Variants in ATG4B observed in about 807,000 individuals in gnomAD.
ATG4B encodes the protein cysteine protease ATG4B.
In ATG4B, 29 loss-of-function variants were observed where a neutral mutation model predicts 56.6. The ratio of observed to expected loss-of-function variants is 0.51; its 90% CI spans 0.38 to 0.70. The LOEUF (loss-of-function observed/expected upper bound fraction) is 0.70, where lower values mean the gene tolerates loss of function less well. Ranked by LOEUF, ATG4B falls within the 30% of genes least tolerant of loss-of-function variation. The probability of loss-of-function intolerance (pLI) is 0.00; values close to 1 mark genes in which losing one functional copy is unlikely to be tolerated. For synonymous variants in ATG4B, 224 were observed against 206.1 expected (o/e 1.09, Z -0.74); for missense variants, 461 against 515.5 (o/e 0.89, Z 1.02).
chr2:241,672,148 G>T, intron 12 of ATG4B, 43 bp from the exon 13 acceptor site: 1 of 1,552,880 alleles, frequency 6.4e-7, no homozygotes, highest in Non-Finnish European at 8.7e-7. Context: ...CACCCAGGTG[G>T]CCCACCCAAG....
rs138045441 is a variant in ATG4B, at chr2:241,663,175, G to A, written c.539-3470G>A. On this transcript the variant is annotated intron_variant, in intron 7 of 12. Coordinates refer to ENST00000404914, the MANE Select transcript of ATG4B (RefSeq NM_013325.5). Reference sequence around the variant, plus strand: ...TTGAACCTGGGAGGCAGAGGCTACAGTGAGCTGAGATCATGCCACTGCACT... The same window carrying A: ...TTGAACCTGGGAGGCAGAGGCTACAATGAGCTGAGATCATGCCACTGCACT... Among the ~76,000 whole-genome samples, 1,228 of 152,356 alleles carry A rather than the reference G, an allele frequency of 8.1e-3. 10 individuals carry two copies. The highest frequency in any genetic ancestry group is 0.014 in the Middle Eastern group (4 of 294).
In ATG4B at chr2:241,651,822, T is replaced by TA; in HGVS notation, c.184+487_184+488insA. 8.8e-7 allele frequency: 1 copy of TA among 1,137,210 alleles called. No individual in the cohort carries two copies. Among genetic ancestry groups the TA allele is most frequent in the Non-Finnish European group, 1.2e-6 (1 of 837,748 alleles). The allele number at this position is 1,137,210 out of a possible 1,614,324, so 70.4% of individuals were successfully genotyped here. On this transcript the variant is annotated intron_variant, in intron 3 of 12. Transcript: ENST00000404914. The surrounding 1 kb of genome is among the most constrained non-coding windows in gnomAD (Gnocchi z 4.1). Reference sequence around the variant, plus strand: ...TTTCCACACTTAACCTGTGGGGAGATTTGAAGGGCCAGGTGAATGTGACAT... The same window carrying TA: ...TTTCCACACTTAACCTGTGGGGAGATATTGAAGGGCCAGGTGAATGTGACAT...
Position 241,670,859 on chromosome 2 carries a change from G to T in ATG4B, c.1014+77G>T. Reference sequence around the variant, plus strand: ...GCAGTGGGGCGTGCAGGGGTCGAAGGCCTGCGTCCAGGTCTCAGGCAGCCT... The same window carrying T: ...GCAGTGGGGCGTGCAGGGGTCGAAGTCCTGCGTCCAGGTCTCAGGCAGCCT... On this transcript the variant is annotated intron_variant, in intron 11 of 12. Transcript: ENST00000404914. 8 of 1,439,252 alleles carry T rather than the reference G, an allele frequency of 5.6e-6. No individual in the cohort carries two copies. The South Asian group carries it at 9.7e-5, about 18-fold the overall frequency. 89.2% of individuals were successfully genotyped at this position (1,439,252 alleles called of 1,614,324 possible). A position where few individuals can be genotyped will look rare whatever the true frequency, so the allele number is the denominator to read the frequency against.
At chr2:241,648,757 A>G (rs1242779579) in intron 1 of ATG4B, among the ~76,000 whole-genome samples, 1 of 152,194 alleles carries the variant, frequency 6.6e-6, no homozygotes, top group Non-Finnish European at 1.5e-5. Context: ...TGGGTCTCCC[A>G]CAGCTGAGAA....
At chr2:241,654,762 AC>A (rs1233293585) in intron 5 of ATG4B, 115 bp downstream of exon 5, 9 of 777,454 alleles carry the variant, frequency 1.2e-5, no homozygotes, top group African/African-American at 1.7e-5. Flanking sequence ...GAGGCTGTAA[AC>A]CTGTAAACAC....
At position 241,668,048 on chromosome 2, in the gene ATG4B, G is replaced by A; in HGVS notation, c.733-95G>A. ...CTGTCCCCTCTTGTGTCACCCAGTT[G>A]GGCCTCAGCAGGCCCTTGGGCCCCC... On this transcript the variant is annotated intron_variant, in intron 8 of 12. Transcript: ENST00000404914. The surrounding 1 kb of genome is among the most constrained non-coding windows in gnomAD (Gnocchi z 4.2). 1 of 1,226,440 alleles carries A rather than the reference G, an allele frequency of 8.2e-7. No homozygotes were observed. The highest frequency in any genetic ancestry group is 2.6e-5 in the East Asian group (1 of 39,172). 76.0% of individuals were successfully genotyped at this position (1,226,440 alleles called of 1,614,324 possible).
At chr2:241,671,652 G>A in intron 12 of ATG4B, 2 of 1,444,034 alleles carry the variant, frequency 1.4e-6, no homozygotes, top group Non-Finnish European at 1.8e-6. Context: ...TGTGGAGCTG[G>A]GCGTGCTACC....
In ATG4B at chr2:241,668,013, A is replaced by C. The variant is rs764227720; in HGVS notation, c.733-130A>C. The C allele has an allele frequency of 2.4e-4, 188 of 797,210 alleles. No individual in the cohort carries two copies. Among genetic ancestry groups the C allele is most frequent in the Non-Finnish European group, 2.9e-4 (145 of 507,954 alleles). 49.4% of individuals were successfully genotyped at this position (797,210 alleles called of 1,614,324 possible). On this transcript the variant is annotated intron_variant, in intron 8 of 12. Coordinates refer to ENST00000404914, the MANE Select transcript of ATG4B (RefSeq NM_013325.5). This position sits in a 1 kb window ranked among gnomAD's most constrained non-coding sequence, Gnocchi z 4.2. The stretch of plus-strand genomic sequence containing the variant: ...CCTGGACAGTAAGCTCTTTGGTACC[A>C]TGTCCCCTCCTGTCCCCTCTTGTGT...
intron 10 of ATG4B, among the ~76,000 whole-genome samples, chr2:241,669,516 G>GT (rs769599176): frequency 2.1e-4 from 32 of 152,148 alleles, no homozygotes; most frequent in Non-Finnish European, 4.1e-4. Flanking sequence ...TTGTTTGTTT[G>GT]TTTGTTTTTG....
In ATG4B at chr2:241,659,144, G is replaced by A. The variant is rs772331716; in HGVS notation, c.495G>A (p.Ala165=). Residue 165 remains alanine (A), a synonymous_variant, in exon 7 of 13, where the codon GCG becomes GCA. Coordinates refer to ENST00000404914, the MANE Select transcript of ATG4B (RefSeq NM_013325.5). ...LAVFDTWSSL[A]VHIAMDNTVV... ...TCTTCGATACGTGGAGCTCCTTGGC[G>A]GTCCACATTGCAATGGACAACACTG... 3.5e-5 allele frequency: 56 copies of A among 1,612,972 alleles called. No individual in the cohort carries two copies. Among genetic ancestry groups the A allele is most frequent in the East Asian group, 1.1e-4 (5 of 44,870 alleles).
intron 12 of ATG4B, 112 bp from the exon 13 acceptor site, chr2:241,672,075 GCTGT>G: frequency 1.3e-6 from 2 of 1,489,986 alleles, no homozygotes; most frequent in Admixed American, 2.2e-5. Flanking sequence ...CATGGGGACA[GCTGT>G]CTGTGGGCTG....
intron 1 of ATG4B, among the ~76,000 whole-genome samples, chr2:241,642,568 C>CG (rs1553563119): frequency 1.3e-4 from 5 of 38,690 alleles, no homozygotes; most frequent in African/African-American, 4.4e-4. Context: ...TAAATTTACT[C>CG]GTTTTTTTTT....
chr2:241,666,848 G>C lies in ATG4B; in HGVS notation c.732+10G>C. 6.5e-7 allele frequency: 1 copy of C among 1,549,246 alleles called. No individual in the cohort carries two copies. Among genetic ancestry groups the C allele is most frequent in the Non-Finnish European group, 8.7e-7 (1 of 1,147,450 alleles). ...CGTGGAGACGCTGAAGGTGGGTCCT[G>C]CCGTGCGGCGCTTGCCCTGAGTCCC... On this transcript the variant is annotated intron_variant, in intron 8 of 12. Coordinates refer to ENST00000404914, the MANE Select transcript of ATG4B (RefSeq NM_013325.5).
chr2:241,653,029 T>TC (rs2068268943), intron 3 of ATG4B, among the ~76,000 whole-genome samples: 1 of 152,228 alleles, frequency 6.6e-6, no homozygotes, highest in Non-Finnish European at 1.5e-5. Context: ...GTGCATGTTG[T>TC]CCATCTTTCT....
intron 7 of ATG4B, among the ~76,000 whole-genome samples, chr2:241,664,511 C>T (rs1048935156): frequency 6.6e-6 from 1 of 152,166 alleles, no homozygotes; most frequent in Admixed American, 6.5e-5. Context: ...TCACTCCAGC[C>T]TGGGTGACAC....
chr2:241,640,406 C>G lies in ATG4B; in HGVS notation c.10+2682C>G, dbSNP rs141078351. ...GATTAATGATCTGCCCTCCTTTGAT[C>G]TCTAGAGTTCTTGAAGATTCTGCCT... is the stretch of plus-strand genomic sequence containing the variant. On this transcript the variant is annotated intron_variant, in intron 1 of 12. Transcript: ENST00000404914. Among the ~76,000 whole-genome samples the G allele has an allele frequency of 1.6e-3, 240 of 152,330 alleles. 2 individuals carry two copies. Among genetic ancestry groups the G allele is most frequent in the Admixed American group, 0.012 (183 of 15,304 alleles).
At chr2:241,671,539 C>T (rs1196772472) in intron 12 of ATG4B, 134 bp downstream of exon 12, 1 of 1,540,386 alleles carries the variant, frequency 6.5e-7, no homozygotes, top group Non-Finnish European at 8.7e-7. Context: ...CAGTGGTTCG[C>T]CTGTGAGACC....
At chr2:241,644,137 A>G (rs2067993521) in intron 1 of ATG4B, among the ~76,000 whole-genome samples, 1 of 151,930 alleles carries the variant, frequency 6.6e-6, no homozygotes, top group South Asian at 2.1e-4. Flanking sequence ...ACTGGAGCCC[A>G]GGAGTTTGAG....
chr2:241,645,689 C>T (rs1317154253), intron 1 of ATG4B, among the ~76,000 whole-genome samples: 4 of 152,304 alleles, frequency 2.6e-5, no homozygotes, highest in East Asian at 3.9e-4. Flanking sequence ...CTGTCAGGAA[C>T]GTGCTCCAGG....
Sources: allele counts gnomAD v4.1 joint callset (sites outside exome capture counted in the v4.1 genomes callset), GRCh38; gene constraint gnomAD v4.1.1; non-coding constraint Gnocchi (gnomAD v3.1); transcripts MANE v1.5; gene names NCBI Gene and HGNC (gene_info 2026-07-23, HGNC 2026-07-21).